RC3H1: variants seen among roughly 807,000 people sequenced by gnomAD.
The protein encoded by RC3H1 is ring finger and CCCH-type domains 1.
A neutral mutation model predicts 138.2 loss-of-function variants in RC3H1; 50 were observed. That is an observed-to-expected ratio of 0.36 (90% CI 0.29 to 0.46). The LOEUF is 0.46. Among genes scored for constraint, RC3H1 ranks in the 20% least tolerant of loss-of-function variants. The pLI is 1.00. For missense variants in RC3H1, 1,031 were observed against 1,388.1 expected (o/e 0.74, Z 4.09); for synonymous variants, 462 against 489.1 (o/e 0.94, Z 0.73).
In RC3H1 at chr1:173,969,493, ATTAATACTTGCAGTAGAT is replaced by A. The variant is rs527292377; in HGVS notation, c.1334+994_1334+1011del. 4.6e-5 allele frequency: 7 copies of A among 151,820 alleles called. No individual in the cohort carries two copies. The South Asian group carries it at 1.5e-3, about 31-fold the overall frequency. 9.4% of individuals were successfully genotyped at this position (151,820 alleles called of 1,614,324 possible). ...TATTTAAATTTTTGAGATTTTTAATATTAATACTTGCAGTAGATTTGCAGTTTTAATTGTGTTATCTTT... is the reference window on the plus strand; with the variant it reads ...TATTTAAATTTTTGAGATTTTTAATATTGCAGTTTTAATTGTGTTATCTTT... On this transcript the variant is annotated intron_variant, in intron 9 of 19. Transcript: ENST00000367696.
At chr1:174,014,741 C>T (rs777110960) in intron 1 of RC3H1, among the ~76,000 whole-genome samples, 1 of 152,014 alleles carries the variant, frequency 6.6e-6, no homozygotes, top group Non-Finnish European at 1.5e-5. Context: ...AAAAGTATTA[C>T]CATTTCTGTT....
Position 173,946,332 on chromosome 1 carries a change from T to A in RC3H1, c.2961+144A>T. 3.4e-6 allele frequency: 2 copies of A among 584,466 alleles called. 1 individual carries two copies. The highest frequency in any genetic ancestry group is 5.9e-5 in the East Asian group (2 of 34,160). 36.2% of individuals were successfully genotyped at this position (584,466 alleles called of 1,614,324 possible). On this transcript the variant is annotated intron_variant, in intron 17 of 19. Transcript: ENST00000367696. ...GTTGTCCCAGAGCTAAATCCAGTAT[T>A]GAATTCTTTGAAGAATAGAAACCTA...
rs1409971231 is a variant in RC3H1, at chr1:173,967,346, A to G, written c.1335-2226T>C. Reference sequence around the variant, plus strand: ...AAAAAAAAGTAACAGATAATTATGAACATGTACTTGCACCCTGTGTGAATA... The same window carrying G: ...AAAAAAAAGTAACAGATAATTATGAGCATGTACTTGCACCCTGTGTGAATA... On this transcript the variant is annotated intron_variant, in intron 9 of 19. Transcript: ENST00000367696. 2.0e-5 allele frequency among the ~76,000 whole-genome samples: 3 copies of G among 152,170 alleles called. No individual in the cohort carries two copies. In the East Asian group the frequency reaches 5.8e-4, roughly 29 times the overall value.
chr1:174,007,854 C>T (rs917686208), intron 1 of RC3H1, among the ~76,000 whole-genome samples: 4 of 152,156 alleles, frequency 2.6e-5, no homozygotes, highest in Admixed American at 2.0e-4. Flanking sequence ...AGTTAGGAAG[C>T]TACCCTTTGT....
intron 17 of RC3H1, among the ~76,000 whole-genome samples, chr1:173,944,771 T>C (rs1344374025): frequency 6.6e-6 from 1 of 152,194 alleles, no homozygotes; most frequent in African/African-American, 2.4e-5. Context: ...AAAATCTAAG[T>C]ATTACATAGA....
intron 1 of RC3H1, among the ~76,000 whole-genome samples, chr1:173,996,099 C>T (rs972613794): frequency 1.3e-5 from 2 of 152,046 alleles, no homozygotes; most frequent in South Asian, 2.1e-4. Context: ...ACTAAAATTA[C>T]AAAAATTAGC....
At chr1:173,957,759 A>T (rs1659710249) in intron 13 of RC3H1, among the ~76,000 whole-genome samples, 1 of 152,026 alleles carries the variant, frequency 6.6e-6, no homozygotes, top group Non-Finnish European at 1.5e-5. Flanking sequence ...ATGGGGTCTC[A>T]CTATGTTGCT....
intron 9 of RC3H1, chr1:173,969,209 T>C (rs1303024488): frequency 3.3e-5 from 5 of 151,874 alleles, no homozygotes; most frequent in Non-Finnish European, 5.9e-5. Flanking sequence ...TTGGATATTA[T>C]CATGTTATTT....
chr1:173,983,698 A>G (rs61826774), intron 3 of RC3H1, 41 bp from the exon 4 acceptor site: 198,942 of 1,602,030 alleles, frequency 0.12, 13,368 homozygotes, highest in East Asian at 0.22. Flanking sequence ...TTCACAATGC[A>G]ATTTTACAGT....
chr1:173,946,960 G>A, intron 15 of RC3H1, 124 bp from the exon 16 acceptor site: 1 of 670,614 alleles, frequency 1.5e-6, no homozygotes, highest in South Asian at 1.9e-5. Flanking sequence ...TAAATGTCCA[G>A]ATTTTTAAAA....
intron 1 of RC3H1, among the ~76,000 whole-genome samples, chr1:174,012,082 G>A (rs559706138): frequency 1.4e-4 from 21 of 151,956 alleles, no homozygotes; most frequent in African/African-American, 4.1e-4. Context: ...GTGCTGGCAC[G>A]CACCTGTAGT....
At position 174,022,037 on chromosome 1, in the gene RC3H1, G is replaced by T; in HGVS notation, c.-151+59C>A. 1 of 393,452 alleles carries T rather than the reference G, an allele frequency of 2.5e-6. No homozygotes were observed. The highest frequency in any genetic ancestry group is 1.3e-4 in the South Asian group (1 of 7,744). The allele number at this position is 393,452 out of a possible 1,614,324, so 24.4% of individuals were successfully genotyped here. A position where few individuals can be genotyped will look rare whatever the true frequency, so the allele number is the denominator to read the frequency against. ...CCGACCACAGCTGCCTATTGTTCCC[G>T]ACTGAGGCCCCGGCCGCGGCAGCCC... is the stretch of plus-strand genomic sequence containing the variant. On this transcript the variant is annotated intron_variant, in intron 1 of 19. Transcript: ENST00000367696. This position sits in a 1 kb window ranked among gnomAD's most constrained non-coding sequence, Gnocchi z 4.2.
chr1:173,939,050 A>AT (rs960073436), intron 19 of RC3H1, among the ~76,000 whole-genome samples, 179 bp from the exon 20 acceptor site: 5 of 149,494 alleles, frequency 3.3e-5, no homozygotes, highest in South Asian at 2.1e-4. Flanking sequence ...CCAGGTGCGT[A>AT]TTTTTTTTTT....
chr1:173,961,179 G>T lies in RC3H1; in HGVS notation c.2268C>A (p.Arg756=), dbSNP rs535773915. The T allele has an allele frequency of 9.3e-6, 15 of 1,614,092 alleles. No individual in the cohort carries two copies. In the South Asian group the frequency reaches 1.5e-4, roughly 17 times the overall value. Residue 756 remains arginine (R), a synonymous_variant, in exon 13 of 20, where the codon CGC becomes CGA. Transcript: ENST00000367696. ...GCTGGGCCATTATTTCCTTTCGTCG[G>T]CGATGTAGTTCATCTAGACTAGGAT... The part of the protein sequence containing the change: ...QPHPSLDELH[R]RRKEIMAQLE...
rs60694243 is a variant in RC3H1 at position 173,942,428 on chromosome 1, C to CAAAAAAAAA, written c.3135+1005_3135+1013dup. Among the ~76,000 whole-genome samples the CAAAAAAAAA allele has an allele frequency of 8.5e-3, 325 of 38,078 alleles. 40 individuals are homozygous for CAAAAAAAAA. Among genetic ancestry groups the CAAAAAAAAA allele is most frequent in the African/African-American group, 0.045 (316 of 6,988 alleles). The allele number at this position is 38,078 out of a possible 152,430, so 25.0% of individuals were successfully genotyped here. A position where few individuals can be genotyped will look rare whatever the true frequency, so the allele number is the denominator to read the frequency against. The stretch of plus-strand genomic sequence containing the variant: ...ACCCTGGGTGACAGAGACTCAGTCT[C>CAAAAAAAAA]AAAAAAAAAAAAAAAAAAAAAAGAA... On this transcript the variant is annotated intron_variant, in intron 18 of 19. Coordinates refer to ENST00000367696, the MANE Select transcript of RC3H1 (RefSeq NM_172071.4).
rs1404767630 is a variant in RC3H1, at chr1:173,992,811, T to C, written c.175A>G (p.Thr59Ala). The C allele has an allele frequency of 6.2e-7, 1 of 1,614,216 alleles. No individual in the cohort carries two copies. The highest frequency in any genetic ancestry group is 1.3e-5 in the African/African-American group (1 of 75,058). Reference sequence around the variant, plus strand: ...TTCACAGGGAGGAGCTCAATGTCTGTATTGATAGTGGTCTGGTCAAATGGG... The same window carrying C: ...TTCACAGGGAGGAGCTCAATGTCTGCATTGATAGTGGTCTGGTCAAATGGG... ...ACPFDQTTINTDIELLPVNSA... is the reference protein window; with the variant it reads ...ACPFDQTTINADIELLPVNSA... Residue 59 changes from threonine to alanine, a missense_variant, in exon 2 of 20, where the codon ACA becomes GCA. Coordinates refer to ENST00000367696, the MANE Select transcript of RC3H1 (RefSeq NM_172071.4).
Position 173,974,233 on chromosome 1 carries a change from T to C in RC3H1, c.1103-1606A>G, listed in dbSNP as rs540496685. 1.5e-5 allele frequency among the ~76,000 whole-genome samples: 2 copies of C among 135,268 alleles called. 1 individual carries two copies. The highest frequency in any genetic ancestry group is 5.6e-5 in the African/African-American group (2 of 35,800). 88.7% of individuals were successfully genotyped at this position (135,268 alleles called of 152,430 possible). A position where few individuals can be genotyped will look rare whatever the true frequency, so the allele number is the denominator to read the frequency against. ...AGGCGGAGGTTGCAGTGAGCTGAGATTGCACCACTGCACTCCAGCCTGGTC... is the reference window on the plus strand; with the variant it reads ...AGGCGGAGGTTGCAGTGAGCTGAGACTGCACCACTGCACTCCAGCCTGGTC... On this transcript the variant is annotated intron_variant, in intron 7 of 19. Coordinates refer to ENST00000367696, the MANE Select transcript of RC3H1 (RefSeq NM_172071.4).
At chr1:173,984,737 T>C in intron 2 of RC3H1, 118 bp from the exon 3 acceptor site, 1 of 1,005,478 alleles carries the variant, frequency 9.9e-7, no homozygotes, top group East Asian at 2.7e-5. Flanking sequence ...CTAAATTTAC[T>C]GAATTCTTTC....
chr1:173,984,696 A>G, intron 2 of RC3H1, 77 bp from the exon 3 acceptor site: 1 of 1,432,428 alleles, frequency 7.0e-7, no homozygotes, highest in East Asian at 2.4e-5. Flanking sequence ...ATGCACTCAT[A>G]ATGCTGACAC....
Sources: gnomAD v4.1 joint callset for allele counts (sites outside exome capture counted in the v4.1 genomes callset) on GRCh38, gnomAD v4.1.1 for gene constraint, Gnocchi (gnomAD v3.1) non-coding constraint, MANE v1.5 for transcripts, NCBI Gene and HGNC (gene_info 2026-07-23, HGNC 2026-07-21) for gene names.